Variants in ZMYM2 observed in about 807,000 individuals in gnomAD.
The protein encoded by ZMYM2 is zinc finger MYM-type protein 2.
ZMYM2 carries 56 observed loss-of-function variants against 162.8 expected under a neutral mutation model. The ratio of observed to expected loss-of-function variants is 0.34; its 90% CI spans 0.28 to 0.43. The LOEUF (loss-of-function observed/expected upper bound fraction) is 0.43. Among genes scored for constraint, ZMYM2 ranks in the 20% least tolerant of loss-of-function variants. The probability of loss-of-function intolerance (pLI) is 1.00; values close to 1 mark genes in which losing one functional copy is unlikely to be tolerated. For missense variants in ZMYM2, 1,275 were observed against 1,621.8 expected, an observed-to-expected ratio of 0.79 and a Z score of 3.67; for synonymous variants, 510 against 541.6, an observed-to-expected ratio of 0.94 and a Z score of 0.81.
chr13:19,964,259 C>T (rs1226934076), intron 2 of ZMYM2, among the ~76,000 whole-genome samples: 4 of 152,054 alleles, frequency 2.6e-5, no homozygotes, highest in African/African-American at 4.8e-5. Context: ...ACCCGTCATG[C>T]CAGCTACTCA....
chr13:19,931,791 T>C, the ZMYM2 span, among the ~76,000 whole-genome samples: 1 of 152,280 alleles, frequency 6.6e-6, no homozygotes, highest in Non-Finnish European at 1.5e-5. Flanking sequence ...ACCTGGCTAA[T>C]TTTTAAAACA....
At chr13:19,953,652 C>A in the ZMYM2 span, among the ~76,000 whole-genome samples, 6 of 132,026 alleles carry the variant, frequency 4.5e-5, no homozygotes, top group African/African-American at 1.7e-4. Context: ...CCACTGCACT[C>A]CAGCCTGGCG....
chr13:19,927,489 G>A, the ZMYM2 span, among the ~76,000 whole-genome samples: 230 of 152,272 alleles, frequency 1.5e-3, no homozygotes, highest in African/African-American at 5.2e-3. Context: ...CGTGATCCCT[G>A]CTGTGTTCAT....
chr13:19,883,522 T>C, the ZMYM2 span, among the ~76,000 whole-genome samples: 2 of 150,150 alleles, frequency 1.3e-5, no homozygotes, highest in Non-Finnish European at 3.0e-5. Context: ...TTCATAGTTG[T>C]GAGATGATTA....
intron 19 of ZMYM2, among the ~76,000 whole-genome samples, chr13:20,066,375 A>G (rs1231661464): frequency 1.3e-5 from 2 of 152,270 alleles, no homozygotes; most frequent in Non-Finnish European, 1.5e-5. Context: ...TGCACAGTCA[A>G]AAATTCATGT....
chr13:20,019,114 A>G (rs1390738595), intron 6 of ZMYM2, among the ~76,000 whole-genome samples: 2 of 151,938 alleles, frequency 1.3e-5, no homozygotes, highest in African/African-American at 2.4e-5. Context: ...AACAAAAAAA[A>G]ACAATTTCTC....
chr13:19,883,750 G>A, the ZMYM2 span, among the ~76,000 whole-genome samples: 11 of 151,164 alleles, frequency 7.3e-5, no homozygotes, highest in Admixed American at 4.0e-4. Flanking sequence ...TATTCTCATG[G>A]TATATATATA....
chr13:20,022,483 A>ATT (rs1221434692), intron 7 of ZMYM2, among the ~76,000 whole-genome samples: 3 of 152,036 alleles, frequency 2.0e-5, no homozygotes, highest in African/African-American at 7.2e-5. Flanking sequence ...TAAAGTTGCT[A>ATT]TTTTTCCCTC....
chr13:19,897,630 AAG>A, the ZMYM2 span, among the ~76,000 whole-genome samples: 3 of 151,972 alleles, frequency 2.0e-5, no homozygotes, highest in South Asian at 2.1e-4. Context: ...CAAGAATAAA[AAG>A]AGAGCAAGGG....
At chr13:20,066,226 CT>C in intron 19 of ZMYM2, among the ~76,000 whole-genome samples, 1 of 152,268 alleles carries the variant, frequency 6.6e-6, no homozygotes, top group African/African-American at 2.4e-5. Flanking sequence ...AAACAGATAA[CT>C]ATATTTGTAA....
At chr13:19,871,605 A>C in the ZMYM2 span, among the ~76,000 whole-genome samples, 1 of 152,160 alleles carries the variant, frequency 6.6e-6, no homozygotes, top group Non-Finnish European at 1.5e-5. Flanking sequence ...AATCATTCAT[A>C]ACTATATGGT....
chr13:19,883,195 T>C, the ZMYM2 span, among the ~76,000 whole-genome samples: 1 of 152,230 alleles, frequency 6.6e-6, no homozygotes, highest in Admixed American at 6.5e-5. Context: ...CTCAAATAAG[T>C]AAACCTATAG....
chr13:19,989,673 T>A (rs1344919390), intron 2 of ZMYM2, among the ~76,000 whole-genome samples: 1 of 152,244 alleles, frequency 6.6e-6, no homozygotes, highest in Non-Finnish European at 1.5e-5. Flanking sequence ...ATAATCCAGT[T>A]ATACTCTTAT....
At chr13:20,042,063 T>C (rs545555815) in intron 12 of ZMYM2, among the ~76,000 whole-genome samples, 1 of 152,314 alleles carries the variant, frequency 6.6e-6, no homozygotes, top group South Asian at 2.1e-4. Context: ...TGAAGTATCA[T>C]ACTGGGGTTC....
chr13:19,966,131 T>G (rs1300316736), intron 2 of ZMYM2, among the ~76,000 whole-genome samples: 2 of 148,966 alleles, frequency 1.3e-5, no homozygotes, highest in Non-Finnish European at 3.0e-5. Flanking sequence ...TTTTTGTTTT[T>G]GTTTTGTTTT....
At chr13:20,071,562 C>T (rs1957088134) in intron 21 of ZMYM2, among the ~76,000 whole-genome samples, 2 of 152,258 alleles carry the variant, frequency 1.3e-5, no homozygotes, top group South Asian at 4.1e-4. Flanking sequence ...TGAATTGGCC[C>T]CCTGTGCAGA....
At chr13:19,905,594 G>GAA in the ZMYM2 span, among the ~76,000 whole-genome samples, 1 of 152,148 alleles carries the variant, frequency 6.6e-6, no homozygotes, top group Non-Finnish European at 1.5e-5. Flanking sequence ...AGAGCCTGCT[G>GAA]AAATTATTCT....
At chr13:20,002,733 T>A in intron 3 of ZMYM2, 117 bp from the exon 4 acceptor site, 1 of 1,307,312 alleles carries the variant, frequency 7.6e-7, no homozygotes, top group Non-Finnish European at 1.0e-6. Flanking sequence ...ATGTTGCTGT[T>A]CCATTAACAT....
chr13:20,086,462 T>C lies in ZMYM2; in HGVS notation c.*448T>C. ...AGAACTTGCAGTGTCTTTCGGAATTTTTAAAATAAACTGTAAACTAATAGG... is the reference window on the plus strand; with the variant it reads ...AGAACTTGCAGTGTCTTTCGGAATTCTTAAAATAAACTGTAAACTAATAGG... On this transcript the variant is annotated 3_prime_UTR_variant, in exon 25 of 25. Coordinates refer to ENST00000610343, the MANE Select transcript of ZMYM2 (RefSeq NM_197968.4). 1 of 222,138 alleles carries C rather than the reference T, an allele frequency of 4.5e-6. No homozygotes were observed. Among genetic ancestry groups the C allele is most frequent in the Non-Finnish European group, 9.0e-6 (1 of 110,850 alleles). The allele number at this position is 222,138 out of a possible 1,614,324, so 13.8% of individuals were successfully genotyped here.
Sources: allele counts gnomAD v4.1 joint callset (sites outside exome capture counted in the v4.1 genomes callset), GRCh38; gene constraint gnomAD v4.1.1; transcripts MANE v1.5; gene names NCBI Gene and HGNC (gene_info 2026-07-23, HGNC 2026-07-21).